RHOH: variants seen among roughly 807,000 people sequenced by gnomAD.
RHOH encodes the protein rho-related GTP-binding protein RhoH.
RHOH carries 6 observed loss-of-function variants against 13.8 expected under a neutral mutation model. The ratio of observed to expected loss-of-function variants is 0.44; its 90% CI spans 0.24 to 0.86. The LOEUF is 0.86. Ranked by LOEUF, RHOH falls within the 40% of genes least tolerant of loss-of-function variation. The probability of loss-of-function intolerance (pLI) is 0.24; values close to 1 mark genes in which losing one functional copy is unlikely to be tolerated. For synonymous variants in RHOH, 117 were observed against 103.0 expected (o/e 1.14, Z -0.82); for missense variants, 147 against 244.5 (o/e 0.60, Z 2.66).
At chr4:40,225,663 A>G (rs1727138551) in intron 1 of RHOH, among the ~76,000 whole-genome samples, 1 of 152,218 alleles carries the variant, frequency 6.6e-6, no homozygotes, top group African/African-American at 2.4e-5. Context: ...AATCTTTAAA[A>G]TGCTGTAAGA....
intron 1 of RHOH, among the ~76,000 whole-genome samples, chr4:40,198,534 G>A (rs1255416423): frequency 6.6e-6 from 1 of 152,206 alleles, no homozygotes; most frequent in Non-Finnish European, 1.5e-5. Context: ...ATGTGAGAGG[G>A]AGCTTGTCGA....
Position 40,243,316 on chromosome 4 carries a change from G to A in RHOH, c.-71G>A. The A allele has an allele frequency of 1.5e-6, 2 of 1,368,852 alleles. No homozygotes were observed. The highest frequency in any genetic ancestry group is 2.0e-6 in the Non-Finnish European group (2 of 999,118). 84.8% of individuals were successfully genotyped at this position (1,368,852 alleles called of 1,614,324 possible). A position where few individuals can be genotyped will look rare whatever the true frequency, so the allele number is the denominator to read the frequency against. ...GCATTCCCCTTGCTGAATGGCGTGT[G>A]CTGCAGCTGCCCACTGAGGGCTCTT... On this transcript the variant is annotated 5_prime_UTR_variant, in exon 3 of 3. Transcript: ENST00000381799. This position sits in a 1 kb window ranked among gnomAD's most constrained non-coding sequence, Gnocchi z 6.2.
At chr4:40,195,527 C>T (rs553984989), upstream of RHOH, among the ~76,000 whole-genome samples, 1 of 151,818 alleles carries the variant, frequency 6.6e-6, no homozygotes, top group South Asian at 2.1e-4. Flanking sequence ...GGTGGTGGAT[C>T]ACAGCTCACT....
upstream of RHOH, among the ~76,000 whole-genome samples, chr4:40,195,141 ACTTCT>A (rs1317574798): frequency 2.0e-5 from 3 of 152,174 alleles, no homozygotes; most frequent in African/African-American, 7.2e-5. Context: ...TTTTGTCTTC[ACTTCT>A]CTTGGCCTCA....
At chr4:40,203,344 G>A (rs528056946) in intron 1 of RHOH, among the ~76,000 whole-genome samples, 10 of 152,300 alleles carry the variant, frequency 6.6e-5, no homozygotes, top group South Asian at 2.1e-4. Flanking sequence ...TAGCATCCAG[G>A]TTCCATCTCC....
intron 1 of RHOH, among the ~76,000 whole-genome samples, chr4:40,223,790 G>A (rs1460803231): frequency 4.9e-5 from 2 of 40,974 alleles, no homozygotes; most frequent in East Asian, 1.8e-3. Context: ...TTTTTTTTTT[G>A]AGATGGAGTT....
intron 1 of RHOH, among the ~76,000 whole-genome samples, chr4:40,232,937 A>G (rs12506737): frequency 0.63 from 95,779 of 151,680 alleles, 31,193 homozygotes; most frequent in Non-Finnish European, 0.7. Flanking sequence ...CCTTTCTCCC[A>G]TCTCGAGAAT....
chr4:40,225,337 C>T lies in RHOH; in HGVS notation c.-330-17377C>T, dbSNP rs1309017029. 6.6e-5 allele frequency among the ~76,000 whole-genome samples: 10 copies of T among 152,136 alleles called. No homozygotes were observed. The East Asian group carries it at 7.7e-4, about 12-fold the overall frequency. On this transcript the variant is annotated intron_variant, in intron 1 of 2. Transcript: ENST00000381799. ...CTGGCCTTGAGCAATCCTCCTGCCT[C>T]GGCCTTCCAAAGTTCTGGGATTATA...
At chr4:40,211,780 T>C (rs1725302253) in intron 1 of RHOH, among the ~76,000 whole-genome samples, 1 of 151,504 alleles carries the variant, frequency 6.6e-6, no homozygotes, top group Admixed American at 6.6e-5. Flanking sequence ...GGAAATAAAA[T>C]GGAAAAAGAG....
At chr4:40,228,182 C>T (rs1356206431) in intron 1 of RHOH, among the ~76,000 whole-genome samples, 2 of 151,796 alleles carry the variant, frequency 1.3e-5, no homozygotes, top group African/African-American at 2.4e-5. Flanking sequence ...TAAATTAAGA[C>T]CTAAATGTTA....
intron 1 of RHOH, among the ~76,000 whole-genome samples, chr4:40,226,174 A>T (rs1032942543): frequency 6.6e-6 from 1 of 152,140 alleles, no homozygotes; most frequent in African/African-American, 2.4e-5. Context: ...CACATTTTGC[A>T]GTTGTAGTTA....
At chr4:40,242,534 C>T (rs544775649) in intron 1 of RHOH, among the ~76,000 whole-genome samples, 180 bp from the exon 2 acceptor site, 21 of 152,184 alleles carry the variant, frequency 1.4e-4, no homozygotes, top group Non-Finnish European at 2.5e-4. Context: ...TCTGTTGCAT[C>T]TCTTACCAGT....
intron 1 of RHOH, among the ~76,000 whole-genome samples, chr4:40,233,131 C>G (rs1728145194): frequency 6.6e-6 from 1 of 152,170 alleles, no homozygotes; most frequent in Non-Finnish European, 1.5e-5. Flanking sequence ...TTCTACGGTA[C>G]TCACTCTGTG....
In RHOH at chr4:40,245,812, C is replaced by A. The variant is rs1729730421; in HGVS notation, c.*1850C>A. 1 of 152,180 alleles carries A rather than the reference C, an allele frequency of 6.6e-6. No homozygotes were observed. The highest frequency in any genetic ancestry group is 1.5e-5 in the Non-Finnish European group (1 of 68,054). The allele number at this position is 152,180 out of a possible 1,614,324, so 9.4% of individuals were successfully genotyped here. ...TACAGCTATAATCAGTATCAAAAAC[C>A]AAATGTGTGCTCATTCACACATTGC... On this transcript the variant is annotated 3_prime_UTR_variant, in exon 3 of 3. Transcript: ENST00000381799.
Position 40,218,071 on chromosome 4 carries a change from ACTT to A in RHOH, c.-331+20774_-331+20776del, listed in dbSNP as rs1188840455. ...TGGAGTGCTTTGTACAAGGTACAAA[ACTT>A]CTGTCCTTGGTATGAACATTTGGGA... On this transcript the variant is annotated intron_variant, in intron 1 of 2. Coordinates refer to ENST00000381799, the MANE Select transcript of RHOH (RefSeq NM_004310.5). The surrounding 1 kb of genome is among the most constrained non-coding windows in gnomAD (Gnocchi z 4.1). The A allele has an allele frequency of 6.6e-6, 1 of 152,190 alleles. No individual in the cohort carries two copies. Among genetic ancestry groups the A allele is most frequent in the Non-Finnish European group, 1.5e-5 (1 of 68,036 alleles). The allele number at this position is 152,190 out of a possible 1,614,324, so 9.4% of individuals were successfully genotyped here. A position where few individuals can be genotyped will look rare whatever the true frequency, so the allele number is the denominator to read the frequency against.
intron 1 of RHOH, among the ~76,000 whole-genome samples, chr4:40,204,382 T>C (rs934491767): frequency 1.6e-4 from 24 of 152,250 alleles, no homozygotes; most frequent in African/African-American, 5.5e-4. Flanking sequence ...ATCAGACCTC[T>C]TTCTACAAGC....
Position 40,244,873 on chromosome 4 carries a change from TTC to T in RHOH, c.*913_*914del, listed in dbSNP as rs1729665205. 6.1e-6 allele frequency: 1 copy of T among 164,992 alleles called. No individual in the cohort carries two copies. Among genetic ancestry groups the T allele is most frequent in the Non-Finnish European group, 1.3e-5 (1 of 75,536 alleles). The allele number at this position is 164,992 out of a possible 1,614,324, so 10.2% of individuals were successfully genotyped here. ...CCTGTGAAAGACAGGGGTCTCAAAG[TTC>T]TGTTAATTTCACAAATTTGTTATAA... On this transcript the variant is annotated 3_prime_UTR_variant, in exon 3 of 3. Transcript: ENST00000381799.
upstream of RHOH, among the ~76,000 whole-genome samples, chr4:40,193,485 A>AGAGAGAGC (rs1221038886): frequency 1.3e-5 from 1 of 75,426 alleles, no homozygotes; most frequent in Non-Finnish European, 2.8e-5. Flanking sequence ...AGAGCGAGAG[A>AGAGAGAGC]GAGAGAGAGA....
In RHOH at chr4:40,244,692, C is replaced by T. The variant is rs767415444; in HGVS notation, c.*730C>T. ...TGTCTTTCACTCAACTCCAGTTATG[C>T]ACTAAATATTCTCCTCTCATTCACC... On this transcript the variant is annotated 3_prime_UTR_variant, in exon 3 of 3. Coordinates refer to ENST00000381799, the MANE Select transcript of RHOH (RefSeq NM_004310.5). 1.1e-5 allele frequency: 2 copies of T among 185,728 alleles called. No individual in the cohort carries two copies. Among genetic ancestry groups the T allele is most frequent in the African/African-American group, 2.4e-5 (1 of 42,444 alleles). The allele number at this position is 185,728 out of a possible 1,614,324, so 11.5% of individuals were successfully genotyped here. A position where few individuals can be genotyped will look rare whatever the true frequency, so the allele number is the denominator to read the frequency against.
Sources: allele counts gnomAD v4.1 joint callset (sites outside exome capture counted in the v4.1 genomes callset), GRCh38; gene constraint gnomAD v4.1.1; non-coding constraint Gnocchi (gnomAD v3.1); transcripts MANE v1.5; gene names NCBI Gene and HGNC (gene_info 2026-07-23, HGNC 2026-07-21).